The following NARS1 variants were observed in gnomAD, a reference collection of about 807,000 sequenced individuals.
The protein encoded by NARS1 is asparaginyl-tRNA synthetase 1.
Under a neutral mutation model 79.2 loss-of-function variants are expected in NARS1, and 65 were observed. That is an observed-to-expected ratio of 0.82 (90% confidence interval 0.67 to 1.01). The LOEUF (loss-of-function observed/expected upper bound fraction) is 1.01, where lower values mean the gene tolerates loss of function less well. Among genes scored for constraint, NARS1 ranks in the 50% least tolerant of loss-of-function variants. The pLI, the probability that NARS1 is intolerant of heterozygous loss-of-function variation, is 0.00. For synonymous variants in NARS1, 229 were observed against 238.8 expected (o/e 0.96, Z 0.38); for missense variants, 649 against 673.8 (o/e 0.96, Z 0.41).
At chr18:57,603,955 A>G (rs902941651) in intron 11 of NARS1, among the ~76,000 whole-genome samples, 5 of 152,200 alleles carry the variant, frequency 3.3e-5, no homozygotes, top group African/African-American at 1.2e-4. Context: ...AACAGTAGCA[A>G]TGTATAGTAA....
intron 1 of NARS1, 106 bp downstream of exon 1, chr18:57,621,602 C>T: frequency 3.0e-6 from 2 of 666,004 alleles, no homozygotes; most frequent in Non-Finnish European, 5.3e-6. Context: ...CAAACATTCG[C>T]GGGGCGCCCA....
rs549672934 is a variant in NARS1, at chr18:57,601,162, A to G, written c.*490T>C. 1 of 154,030 alleles carries G rather than the reference A, an allele frequency of 6.5e-6. No individual in the cohort carries two copies. Among genetic ancestry groups the G allele is most frequent in the African/African-American group, 2.4e-5 (1 of 41,582 alleles). The allele number at this position is 154,030 out of a possible 1,614,324, so 9.5% of individuals were successfully genotyped here. On this transcript the variant is annotated 3_prime_UTR_variant, in exon 14 of 14. Transcript: ENST00000256854. ...TTACTGCTGAATTATACTGTGTTCT[A>G]ATATGAGCAGATTTTTATACGATAT...
Position 57,615,923 on chromosome 18 carries a change from T to C in NARS1, c.146A>G (p.Gln49Arg). 1 of 1,613,434 alleles carries C rather than the reference T, an allele frequency of 6.2e-7. No homozygotes were observed. The highest frequency in any genetic ancestry group is 8.5e-7 in the Non-Finnish European group (1 of 1,179,784). ...EPFPTIYVDS[Q>R]KENERWNVIS... ...AACATTCCACCTCTCATTTTCTTTTTGTGAATCTACGTAAATGGTAGGAAA... is the reference window on the plus strand; with the variant it reads ...AACATTCCACCTCTCATTTTCTTTTCGTGAATCTACGTAAATGGTAGGAAA... The change falls in exon 3 of 14, where the codon CAA (glutamine) becomes CGA (arginine). Residue 49 changes from glutamine (Q) to arginine (R), a missense_variant. Coordinates refer to ENST00000256854, the MANE Select transcript of NARS1 (RefSeq NM_004539.4).
chr18:57,619,429 T>C (rs960169651), intron 2 of NARS1, among the ~76,000 whole-genome samples: 1 of 151,834 alleles, frequency 6.6e-6, no homozygotes, highest in African/African-American at 2.4e-5. Context: ...GAGGGTCTTA[T>C]CATGTTGCCC....
intron 5 of NARS1, among the ~76,000 whole-genome samples, chr18:57,612,170 A>G (rs1272138861): frequency 6.6e-6 from 1 of 152,162 alleles, no homozygotes; most frequent in Non-Finnish European, 1.5e-5. Flanking sequence ...CAGTATTTGT[A>G]AAATATTTTA....
At chr18:57,611,419 A>G (rs531879388) in intron 6 of NARS1, among the ~76,000 whole-genome samples, 1 of 152,162 alleles carries the variant, frequency 6.6e-6, no homozygotes, top group Non-Finnish European at 1.5e-5. Flanking sequence ...TCTATTTTGT[A>G]ATGTGCTGGA....
chr18:57,604,793 G>A (rs999569744), intron 11 of NARS1, among the ~76,000 whole-genome samples: 2 of 152,152 alleles, frequency 1.3e-5, no homozygotes, highest in African/African-American at 4.8e-5. Flanking sequence ...GGAGGCTGAT[G>A]TAGGAGGAAC....
chr18:57,613,610 C>T lies in NARS1; in HGVS notation c.413G>A (p.Arg138His), dbSNP rs750043839. The change falls in exon 5 of 14, where the codon CGC becomes CAC. Residue 138 changes from arginine (R) to histidine (H), a missense_variant. By Grantham distance (29) the Arg-to-His change is conservative (BLOSUM62 0). Transcript: ENST00000256854. ...AAAGCTTTGCCATTTACCTTGCCTGCGCAGCCTGTGGACCCAGCCAAACAC... is the reference window on the plus strand; with the variant it reads ...AAAGCTTTGCCATTTACCTTGCCTGTGCAGCCTGTGGACCCAGCCAAACAC... Reference protein sequence around the residue: ...VKVFGWVHRLRRQGKNLMFLV... With the variant: ...VKVFGWVHRLHRQGKNLMFLV... 18 of 1,613,456 alleles carry T rather than the reference C, an allele frequency of 1.1e-5. No individual in the cohort carries two copies. The highest frequency in any genetic ancestry group is 4.5e-5 in the East Asian group (2 of 44,888).
intron 2 of NARS1, 68 bp from the exon 3 acceptor site, chr18:57,616,043 T>C: frequency 7.2e-7 from 1 of 1,386,634 alleles, no homozygotes; most frequent in Non-Finnish European, 9.8e-7. Context: ...AAATAACATC[T>C]CAAGTATAAG....
intron 2 of NARS1, among the ~76,000 whole-genome samples, chr18:57,616,263 C>CA (rs1908025928): frequency 6.6e-6 from 1 of 151,682 alleles, no homozygotes; most frequent in South Asian, 2.1e-4. Flanking sequence ...ACTAAAAATA[C>CA]AAAAAAATTA....
chr18:57,609,475 T>C, intron 6 of NARS1, 32 bp from the exon 7 acceptor site: 1 of 1,560,872 alleles, frequency 6.4e-7, no homozygotes, highest in Non-Finnish European at 8.8e-7. Context: ...AATTTAGTTA[T>C]TCACATTGAT....
In NARS1 at chr18:57,621,797, G is replaced by T. The variant is rs1908317724; in HGVS notation, c.-80C>A. 6.2e-7 allele frequency: 1 copy of T among 1,607,916 alleles called. No individual in the cohort carries two copies. The highest frequency in any genetic ancestry group is 8.5e-7 in the Non-Finnish European group (1 of 1,178,262). On this transcript the variant is annotated 5_prime_UTR_variant, in exon 1 of 14. Coordinates refer to ENST00000256854, the MANE Select transcript of NARS1 (RefSeq NM_004539.4). ...CTTATGACTCCAACGTGCACCGGCG[G>T]TTTCCGCGATTCCGGCGTTGCATCA...
rs1365063054 is a variant in NARS1 at position 57,621,732 on chromosome 18, T to C, written c.-15A>G. On this transcript the variant is annotated 5_prime_UTR_variant, in exon 1 of 14. Coordinates refer to ENST00000256854, the MANE Select transcript of NARS1 (RefSeq NM_004539.4). ...CCTAGCACCATGCCTGCAGTGGCCC[T>C]GGTCACCTCCAAGGACACAGACTGC... 1 of 1,614,010 alleles carries C rather than the reference T, an allele frequency of 6.2e-7. No homozygotes were observed. Among genetic ancestry groups the C allele is most frequent in the South Asian group, 1.1e-5 (1 of 91,084 alleles).
chr18:57,616,073 C>T, intron 2 of NARS1, 98 bp from the exon 3 acceptor site: 1 of 1,110,188 alleles, frequency 9.0e-7, no homozygotes, highest in African/African-American at 1.6e-5. Flanking sequence ...ACAATCTAAG[C>T]ATAAAGACCC....
At chr18:57,618,944 G>A (rs111865791) in intron 2 of NARS1, among the ~76,000 whole-genome samples, 44 of 152,212 alleles carry the variant, frequency 2.9e-4, no homozygotes, top group African/African-American at 1.0e-3. Flanking sequence ...AAGTACCCAT[G>A]TATGACACAC....
rs1555683460 is a variant in NARS1 at position 57,605,134 on chromosome 18, A to AAT, written c.1251+721_1251+722dup. On this transcript the variant is annotated intron_variant, in intron 11 of 13. Coordinates refer to ENST00000256854, the MANE Select transcript of NARS1 (RefSeq NM_004539.4). ...ATACATTCTCCAGAAAAAAAAAAAA[A>AAT]ATATATATATATATATATATCTATA... 3.2e-3 allele frequency among the ~76,000 whole-genome samples: 439 copies of AAT among 135,178 alleles called. 7 individuals carry two copies. Among genetic ancestry groups the AAT allele is most frequent in the East Asian group, 0.028 (134 of 4,870 alleles). 88.7% of individuals were successfully genotyped at this position (135,178 alleles called of 152,430 possible). A position where few individuals can be genotyped will look rare whatever the true frequency, so the allele number is the denominator to read the frequency against.
Position 57,601,397 on chromosome 18 carries a change from TAC to T in NARS1, c.*253_*254del. The T allele has an allele frequency of 3.0e-6, 1 of 331,282 alleles. No homozygotes were observed. The highest frequency in any genetic ancestry group is 5.1e-5 in the South Asian group (1 of 19,482). The allele number at this position is 331,282 out of a possible 1,614,324, so 20.5% of individuals were successfully genotyped here. On this transcript the variant is annotated 3_prime_UTR_variant, in exon 14 of 14. Coordinates refer to ENST00000256854, the MANE Select transcript of NARS1 (RefSeq NM_004539.4). ...TAAAATGCTGAAATGTATCCCTAAC[TAC>T]AGTTTCATGCCAGGTATTTTCCCCG...
intron 4 of NARS1, among the ~76,000 whole-genome samples, chr18:57,614,433 G>A (rs1053945542): frequency 5.9e-5 from 9 of 152,006 alleles, no homozygotes; most frequent in Admixed American, 2.0e-4. Flanking sequence ...CCCGGGAGGC[G>A]GAGGTTGCAA....
intron 11 of NARS1, among the ~76,000 whole-genome samples, chr18:57,603,983 CT>C (rs1376369434): frequency 6.6e-6 from 1 of 152,224 alleles, no homozygotes; most frequent in Non-Finnish European, 1.5e-5. Flanking sequence ...CAGGCTCCCC[CT>C]GCCATTGTCC....
Sources: gnomAD v4.1 joint callset for allele counts (sites outside exome capture counted in the v4.1 genomes callset) on GRCh38, gnomAD v4.1.1 for gene constraint, MANE v1.5 for transcripts, NCBI Gene and HGNC (gene_info 2026-07-23, HGNC 2026-07-21) for gene names.